ZFHX3: variants seen among roughly 807,000 people sequenced by gnomAD.
ZFHX3 encodes the protein zinc finger homeobox protein 3.
ZFHX3 carries 42 observed loss-of-function variants against 279.1 expected under a neutral mutation model. The observed-to-expected ratio is 0.15, with a 90% CI of 0.12 to 0.19. The LOEUF (loss-of-function observed/expected upper bound fraction) is 0.19. Among genes scored for constraint, ZFHX3 ranks in the 10% least tolerant of loss-of-function variants. ZFHX3 has a pLI of 1.00. For missense variants in ZFHX3, 4,981 were observed against 4,754.0 expected, an observed-to-expected ratio of 1.05 and a Z score of -1.40; for synonymous variants, 2,293 against 1,957.8, an observed-to-expected ratio of 1.17 and a Z score of -4.52.
intron 5 of ZFHX3, among the ~76,000 whole-genome samples, chr16:73,152,475 C>CATTG (rs1332541431): frequency 6.6e-6 from 1 of 152,014 alleles, no homozygotes; most frequent in Non-Finnish European, 1.5e-5. Flanking sequence ...GGACAGGGCC[C>CATTG]ATTTCAAGGA....
intron 1 of ZFHX3, among the ~76,000 whole-genome samples, chr16:73,730,392 GAAAGAAAAGA>G (rs1240325374): frequency 1.5e-5 from 2 of 136,222 alleles, no homozygotes; most frequent in East Asian, 2.1e-4. Flanking sequence ...GAGAGAGAAA[GAAAGAAAAGA>G]AAAGAAAAGA....
intron 1 of ZFHX3, among the ~76,000 whole-genome samples, chr16:73,767,915 G>A (rs1393236988): frequency 3.3e-5 from 5 of 152,202 alleles, no homozygotes; most frequent in East Asian, 1.9e-4. Flanking sequence ...CAAAGGTGAG[G>A]CAGAGTTTAA....
intron 2 of ZFHX3, among the ~76,000 whole-genome samples, chr16:73,534,346 G>T (rs1048336730): frequency 2.6e-5 from 4 of 152,064 alleles, no homozygotes; most frequent in Non-Finnish European, 5.9e-5. Context: ...CTCTCAATGA[G>T]TTCTACCCTA....
intron 2 of ZFHX3, among the ~76,000 whole-genome samples, chr16:73,557,094 CAAAAAAAAAA>C (rs397766441): frequency 2.9e-5 from 2 of 68,552 alleles, no homozygotes; most frequent in Non-Finnish European, 4.9e-5. Flanking sequence ...GACTCCGTCT[CAAAAAAAAAA>C]AAAAAAAAAA....
At chr16:73,446,797 C>T (rs1597338814) in intron 3 of ZFHX3, among the ~76,000 whole-genome samples, 1 of 152,048 alleles carries the variant, frequency 6.6e-6, no homozygotes, top group Non-Finnish European at 1.5e-5. Context: ...AGACTTAATA[C>T]CCAGGTGATG....
intron 1 of ZFHX3, among the ~76,000 whole-genome samples, chr16:73,725,884 C>G (rs1381333702): frequency 6.6e-6 from 1 of 152,106 alleles, no homozygotes; most frequent in Non-Finnish European, 1.5e-5. Context: ...TCTGTGGTCA[C>G]CCCACTAAGC....
chr16:73,007,378 G>A (rs897635049), intron 1 of ZFHX3, among the ~76,000 whole-genome samples: 5 of 152,154 alleles, frequency 3.3e-5, no homozygotes, highest in Non-Finnish European at 5.9e-5. Context: ...GGCAATTATA[G>A]CATCCCTCTA....
At chr16:73,855,502 AGAGGAGGAG>A (rs35145538) in intron 1 of ZFHX3, among the ~76,000 whole-genome samples, 10 of 150,874 alleles carry the variant, frequency 6.6e-5, no homozygotes, top group Non-Finnish European at 1.2e-4. Flanking sequence ...GGTTTTTTCC[AGAGGAGGAG>A]GAGGAGGAGG....
At chr16:73,612,894 GA>G (rs931237231) in intron 2 of ZFHX3, among the ~76,000 whole-genome samples, 59 of 151,566 alleles carry the variant, frequency 3.9e-4, no homozygotes, top group Non-Finnish European at 5.3e-4. Flanking sequence ...TCGATGAAAT[GA>G]AAAAAAAGAA....
Position 72,787,549 on chromosome 16 carries a change from GCA to G in ZFHX3, c.10725_10726del (p.Ala3576LeufsTer6). On this transcript the variant is annotated frameshift_variant, in exon 10 of 10. Transcript: ENST00000268489. LOFTEE classifies it high-confidence loss of function. Reference sequence around the variant, plus strand: ...TGCGGTGCTAGGATCGGGGAAGCAGGCAGAGTGAGGTAATAAACTAGGGTGCT... The same window carrying G: ...TGCGGTGCTAGGATCGGGGAAGCAGGGAGTGAGGTAATAAACTAGGGTGCT... The G allele has an allele frequency of 3.7e-6, 6 of 1,614,058 alleles. No individual in the cohort carries two copies. The highest frequency in any genetic ancestry group is 5.1e-6 in the Non-Finnish European group (6 of 1,179,986).
chr16:73,313,071 T>A (rs556950639), intron 4 of ZFHX3, among the ~76,000 whole-genome samples: 277 of 152,220 alleles, frequency 1.8e-3, no homozygotes, highest in Non-Finnish European at 2.0e-3. Flanking sequence ...GGGGGCAGAT[T>A]TCCCCCTTGC....
intron 3 of ZFHX3, among the ~76,000 whole-genome samples, chr16:73,356,680 C>A (rs1301302513): frequency 6.6e-6 from 1 of 151,990 alleles, no homozygotes; most frequent in Non-Finnish European, 1.5e-5. Flanking sequence ...AGGACGGAGC[C>A]AGCATTTCCA....
At chr16:73,176,955 C>G (rs572658109) in intron 5 of ZFHX3, among the ~76,000 whole-genome samples, 1 of 152,210 alleles carries the variant, frequency 6.6e-6, no homozygotes, top group East Asian at 1.9e-4. Flanking sequence ...ATCAGCATGA[C>G]TAAGTCATGG....
chr16:73,193,989 C>T (rs945476120), intron 5 of ZFHX3, among the ~76,000 whole-genome samples: 8 of 152,274 alleles, frequency 5.3e-5, no homozygotes, highest in Middle Eastern at 3.4e-3. Context: ...TGAAAGACCT[C>T]GCTAGGACCC....
intron 2 of ZFHX3, among the ~76,000 whole-genome samples, chr16:73,513,280 C>T (rs2019463904): frequency 6.6e-6 from 1 of 152,044 alleles, no homozygotes; most frequent in South Asian, 2.1e-4. Context: ...TTATTAGAGC[C>T]CTTGAGTCAT....
chr16:73,771,127 G>A (rs903505504), intron 1 of ZFHX3, among the ~76,000 whole-genome samples: 7 of 152,168 alleles, frequency 4.6e-5, no homozygotes, highest in African/African-American at 1.7e-4. Flanking sequence ...GGGTGATGAC[G>A]GGAAAATGCA....
chr16:73,221,796 T>C (rs1045626565), intron 5 of ZFHX3, among the ~76,000 whole-genome samples: 2 of 152,032 alleles, frequency 1.3e-5, no homozygotes, highest in Non-Finnish European at 2.9e-5. Flanking sequence ...ACTATTCAAA[T>C]AAAAAGACCC....
chr16:73,496,518 G>A (rs965516459), intron 2 of ZFHX3, among the ~76,000 whole-genome samples: 7 of 152,278 alleles, frequency 4.6e-5, no homozygotes, highest in Middle Eastern at 3.4e-3. Context: ...GAGACACAGC[G>A]AGACTCCATC....
chr16:73,807,421 A>G (rs188736831), intron 1 of ZFHX3, among the ~76,000 whole-genome samples: 291 of 152,194 alleles, frequency 1.9e-3, no homozygotes, highest in African/African-American at 6.5e-3. Flanking sequence ...AGAAATATCT[A>G]TAACCATCAA....
Sources: gnomAD v4.1 joint callset for allele counts (sites outside exome capture counted in the v4.1 genomes callset) on GRCh38, gnomAD v4.1.1 for gene constraint, MANE v1.5 for transcripts, NCBI Gene and HGNC (gene_info 2026-07-23, HGNC 2026-07-21) for gene names.